Variants in MGAT5 observed in about 807,000 individuals in gnomAD.
MGAT5 encodes alpha-1,6-mannosylglycoprotein 6-beta-N-acetylglucosaminyltransferase A.
MGAT5 carries 30 observed loss-of-function variants against 94.3 expected under a neutral mutation model. The observed-to-expected ratio is 0.32, with a 90% CI of 0.24 to 0.43. The LOEUF is 0.43. Ranked by LOEUF, MGAT5 falls within the 20% of genes least tolerant of loss-of-function variation. The pLI is 1.00. For synonymous variants in MGAT5, 310 were observed against 322.9 expected, an observed-to-expected ratio of 0.96 and a Z score of 0.43; for missense variants, 691 against 905.5, an observed-to-expected ratio of 0.76 and a Z score of 3.04.
intron 1 of MGAT5, among the ~76,000 whole-genome samples, chr2:134,193,547 G>C (rs1679337009): frequency 6.6e-6 from 1 of 152,176 alleles, no homozygotes; most frequent in Non-Finnish European, 1.5e-5. Context: ...GGCGGTGGTG[G>C]ACATGCCCCC....
At chr2:134,256,031 CT>C (rs1371451544) in intron 1 of MGAT5, among the ~76,000 whole-genome samples, 1 of 152,054 alleles carries the variant, frequency 6.6e-6, no homozygotes, top group East Asian at 1.9e-4. Context: ...TTTAGAAATT[CT>C]TTTCTAGTTC....
intron 1 of MGAT5, among the ~76,000 whole-genome samples, chr2:134,244,064 A>G (rs1389703856): frequency 6.6e-6 from 1 of 152,158 alleles, no homozygotes; most frequent in African/African-American, 2.4e-5. Context: ...TCCTCAGAGA[A>G]AAGGTGCATT....
chr2:134,450,783 A>AGAGTGT lies in MGAT5; in HGVS notation c.*1937_*1938insAGTGTG, dbSNP rs1686057885. The AGAGTGT allele has an allele frequency of 7.3e-6, 1 of 137,284 alleles. No homozygotes were observed. Among genetic ancestry groups the AGAGTGT allele is most frequent in the African/African-American group, 2.6e-5 (1 of 38,052 alleles). The allele number at this position is 137,284 out of a possible 1,614,324, so 8.5% of individuals were successfully genotyped here. On this transcript the variant is annotated 3_prime_UTR_variant, in exon 16 of 16. Transcript: ENST00000281923. ...AGTCCAAAGGAAACCTTGGTGAGTG[A>AGAGTGT]GTGTGTGTGTGTGTGTGTGTGTGTG...
At chr2:134,353,207 A>G (rs1679501320) in intron 9 of MGAT5, among the ~76,000 whole-genome samples, 1 of 151,148 alleles carries the variant, frequency 6.6e-6, no homozygotes, top group African/African-American at 2.4e-5. Context: ...CACAATAAAA[A>G]TTCAAATAAA....
chr2:134,339,705 A>T (rs1365866650), intron 6 of MGAT5, among the ~76,000 whole-genome samples: 1 of 152,186 alleles, frequency 6.6e-6, no homozygotes, highest in East Asian at 1.9e-4. Context: ...TTGATGCTGG[A>T]ATCATTTTAT....
chr2:134,186,493 G>C (rs1292158332), intron 1 of MGAT5, among the ~76,000 whole-genome samples: 2 of 152,010 alleles, frequency 1.3e-5, no homozygotes, highest in Non-Finnish European at 2.9e-5. Context: ...AGGAGCACTT[G>C]TTGGCCTTTT....
chr2:134,407,687 A>G (rs552799890), intron 11 of MGAT5, among the ~76,000 whole-genome samples: 1 of 152,234 alleles, frequency 6.6e-6, no homozygotes, highest in Non-Finnish European at 1.5e-5. Flanking sequence ...CACAAGGAGC[A>G]TACAGGTATG....
chr2:134,414,143 TTGTGTG>T (rs563134008), intron 12 of MGAT5, among the ~76,000 whole-genome samples: 3,325 of 146,104 alleles, frequency 0.023, 80 homozygotes, highest in Middle Eastern at 0.099. Context: ...GTGCACACAC[TTGTGTG>T]TGTGTGTGTG....
chr2:134,176,612 A>C (rs1688479309), intron 1 of MGAT5, among the ~76,000 whole-genome samples: 1 of 151,576 alleles, frequency 6.6e-6, no homozygotes. Flanking sequence ...ACCATCAAGA[A>C]CTGATAAGAA....
intron 2 of MGAT5, among the ~76,000 whole-genome samples, chr2:134,286,016 T>A (rs1391064323): frequency 6.6e-6 from 1 of 152,222 alleles, no homozygotes; most frequent in Non-Finnish European, 1.5e-5. Flanking sequence ...AATAATTTAC[T>A]TCTTATGTTT....
At chr2:134,171,959 G>A (rs1411421046) in intron 1 of MGAT5, among the ~76,000 whole-genome samples, 1 of 152,142 alleles carries the variant, frequency 6.6e-6, no homozygotes, top group African/African-American at 2.4e-5. Context: ...TGGCTCTCTT[G>A]GTACCACCCA....
intron 1 of MGAT5, among the ~76,000 whole-genome samples, chr2:134,226,554 A>C (rs149190505): frequency 1.4e-3 from 216 of 152,314 alleles, no homozygotes; most frequent in African/African-American, 5.1e-3. Flanking sequence ...GTTATTTACT[A>C]GCTAGGTGGG....
At chr2:134,332,081 A>G (rs947759616) in intron 4 of MGAT5, among the ~76,000 whole-genome samples, 3 of 152,158 alleles carry the variant, frequency 2.0e-5, no homozygotes. Flanking sequence ...GAATTGGAAA[A>G]AATTACTTTA....
chr2:134,142,739 G>A (rs2104962641), intron 1 of MGAT5, among the ~76,000 whole-genome samples: 1 of 152,332 alleles, frequency 6.6e-6, no homozygotes, highest in Admixed American at 6.5e-5. Context: ...AGAAATGTCA[G>A]GGAAGTGTTT....
rs764769403 is a variant in MGAT5, at chr2:134,176,572, T to TTAAAAA, written c.-143+56281_-143+56282insTAAAAA. Among the ~76,000 whole-genome samples, 587 of 83,298 alleles carry TTAAAAA rather than the reference T, an allele frequency of 7.0e-3. 4 individuals carry two copies. Among genetic ancestry groups the TTAAAAA allele is most frequent in the Non-Finnish European group, 9.8e-3 (445 of 45,224 alleles). The allele number at this position is 83,298 out of a possible 152,430, so 54.6% of individuals were successfully genotyped here. A position where few individuals can be genotyped will look rare whatever the true frequency, so the allele number is the denominator to read the frequency against. ...TGGGTGACAGAGGGAGACTCTGTCT[T>TTAAAAA]AAAAAAAAAAAAAAAAAAAAAAATT... On this transcript the variant is annotated intron_variant, in intron 1 of 16. Transcript: ENST00000409645.
intron 1 of MGAT5, among the ~76,000 whole-genome samples, chr2:134,136,808 C>T (rs1317298141): frequency 6.6e-6 from 1 of 152,140 alleles, no homozygotes; most frequent in Non-Finnish European, 1.5e-5. Flanking sequence ...GAGTTGACCT[C>T]CTCCTGACTT....
chr2:134,152,178 A>G (rs35800361), intron 1 of MGAT5, among the ~76,000 whole-genome samples: 23,209 of 81,124 alleles, frequency 0.29, 2,683 homozygotes, highest in East Asian at 0.5. Flanking sequence ...ATTCACTCAC[A>G]CCCTATGGGA....
intron 1 of MGAT5, among the ~76,000 whole-genome samples, chr2:134,135,780 G>A (rs1312799196): frequency 6.0e-5 from 9 of 149,556 alleles, no homozygotes; most frequent in Non-Finnish European, 3.0e-5. Context: ...GCTCCTCCCC[G>A]AGCCACAGCC....
intron 1 of MGAT5, among the ~76,000 whole-genome samples, chr2:134,130,271 C>G (rs1261447081): frequency 6.6e-6 from 1 of 151,462 alleles, no homozygotes; most frequent in Non-Finnish European, 1.5e-5. Context: ...CACACCGCCC[C>G]ACACCCTGGC....
Sources: gnomAD v4.1 joint callset for allele counts (sites outside exome capture counted in the v4.1 genomes callset) on GRCh38, gnomAD v4.1.1 for gene constraint, MANE v1.5 for transcripts, NCBI Gene and HGNC (gene_info 2026-07-23, HGNC 2026-07-21) for gene names.